GPC6: variants seen among roughly 807,000 people sequenced by gnomAD.
GPC6 encodes glypican 6.
Under a neutral mutation model 55.2 loss-of-function variants are expected in GPC6, and 14 were observed. That is an observed-to-expected ratio of 0.25 (90% CI 0.17 to 0.40). The LOEUF is 0.40. GPC6 is among the 10% of genes least tolerant of loss of function. GPC6 has a pLI of 1.00. For missense variants in GPC6, 641 were observed against 708.5 expected (o/e 0.90, Z 1.08); for synonymous variants, 278 against 259.6 (o/e 1.07, Z -0.68).
chr13:93,802,490 T>A lies in GPC6; in HGVS notation c.320-27664T>A, dbSNP rs9589843. Reference sequence around the variant, plus strand: ...ATAACACACTGCAACCTCAAATTCCTGAGCTGAAGCCATTCTTCCACCTCA... The same window carrying A: ...ATAACACACTGCAACCTCAAATTCCAGAGCTGAAGCCATTCTTCCACCTCA... On this transcript the variant is annotated intron_variant, in intron 2 of 8. Transcript: ENST00000377047. 5.6e-3 allele frequency among the ~76,000 whole-genome samples: 854 copies of A among 152,120 alleles called. 14 individuals are homozygous for A. Among genetic ancestry groups the A allele is most frequent in the African/African-American group, 0.02 (822 of 41,498 alleles).
intron 4 of GPC6, among the ~76,000 whole-genome samples, chr13:94,045,697 A>G (rs764779770): frequency 5.3e-5 from 8 of 151,152 alleles, no homozygotes; most frequent in Non-Finnish European, 1.0e-4. Flanking sequence ...TAACTCAGCC[A>G]CTTGTTAGCA....
intron 4 of GPC6, among the ~76,000 whole-genome samples, chr13:94,121,582 T>C (rs1457416886): frequency 1.3e-5 from 2 of 152,122 alleles, no homozygotes; most frequent in Non-Finnish European, 2.9e-5. Context: ...TCTTTGAAAT[T>C]AGGATACACG....
chr13:93,653,256 A>G (rs571025025), intron 2 of GPC6, among the ~76,000 whole-genome samples: 7 of 152,162 alleles, frequency 4.6e-5, no homozygotes, highest in Non-Finnish European at 8.8e-5. Flanking sequence ...TTGTATGTCT[A>G]TGGAATCCTA....
chr13:94,176,838 G>T (rs1385563918), intron 4 of GPC6, among the ~76,000 whole-genome samples: 1 of 152,148 alleles, frequency 6.6e-6, no homozygotes. Context: ...TCTCCGGGGT[G>T]AAAGAAAGAA....
At chr13:93,925,680 G>A (rs1877821908) in intron 3 of GPC6, among the ~76,000 whole-genome samples, 1 of 152,172 alleles carries the variant, frequency 6.6e-6, no homozygotes, top group South Asian at 2.1e-4. Flanking sequence ...TACGCTCGTG[G>A]TTCTCTGTGC....
chr13:94,056,015 G>A (rs950892863), intron 4 of GPC6, among the ~76,000 whole-genome samples: 23 of 152,156 alleles, frequency 1.5e-4, no homozygotes, highest in Non-Finnish European at 8.8e-5. Flanking sequence ...CCAAGGCCCA[G>A]CCCCTCTTAG....
chr13:94,218,022 A>G (rs1177339404), intron 4 of GPC6, among the ~76,000 whole-genome samples: 1 of 152,200 alleles, frequency 6.6e-6, no homozygotes, highest in Admixed American at 6.5e-5. Flanking sequence ...TTTAAACACA[A>G]GCATGTGGTA....
chr13:94,124,560 A>G (rs1333259), intron 4 of GPC6, among the ~76,000 whole-genome samples: 50,304 of 151,784 alleles, frequency 0.33, 9,445 homozygotes, highest in Middle Eastern at 0.46. Flanking sequence ...TGGGGGATAG[A>G]GGAGAGGTAA....
intron 2 of GPC6, among the ~76,000 whole-genome samples, chr13:93,676,822 A>G (rs1161964332): frequency 6.6e-6 from 1 of 152,056 alleles, no homozygotes; most frequent in East Asian, 1.9e-4. Flanking sequence ...AGATAACAAA[A>G]TGAATAAAAG....
intron 4 of GPC6, 138 bp from the exon 5 acceptor site, chr13:94,286,211 T>G: frequency 1.3e-6 from 1 of 741,624 alleles, no homozygotes; most frequent in Non-Finnish European, 2.3e-6. Flanking sequence ...TCTATTTCAT[T>G]TTGGACTATA....
chr13:94,167,324 T>A (rs936144474), intron 4 of GPC6, among the ~76,000 whole-genome samples: 1 of 152,184 alleles, frequency 6.6e-6, no homozygotes, highest in African/African-American at 2.4e-5. Flanking sequence ...CAAGAGGGCG[T>A]GTCCCAAGTT....
intron 4 of GPC6, among the ~76,000 whole-genome samples, chr13:94,237,148 G>C (rs1040661007): frequency 1.3e-4 from 20 of 152,100 alleles, no homozygotes; most frequent in African/African-American, 4.3e-4. Context: ...CAGAGGGGCA[G>C]GACAAGAAGT....
chr13:93,840,531 G>T (rs1014727757), intron 3 of GPC6, among the ~76,000 whole-genome samples: 3 of 145,914 alleles, frequency 2.1e-5, no homozygotes, highest in Non-Finnish European at 4.5e-5. Flanking sequence ...GGAAAATAAT[G>T]AACATATTTT....
At chr13:93,768,594 A>G (rs1314060261) in intron 2 of GPC6, among the ~76,000 whole-genome samples, 1 of 152,188 alleles carries the variant, frequency 6.6e-6, no homozygotes, top group African/African-American at 2.4e-5. Context: ...TTCAGTTTAA[A>G]TTTAGGAACA....
chr13:93,480,976 C>T (rs1228602733), intron 1 of GPC6, among the ~76,000 whole-genome samples: 5 of 152,222 alleles, frequency 3.3e-5, no homozygotes, highest in African/African-American at 1.2e-4. Context: ...AGGAGTGGAT[C>T]GTACGGTAGT....
intron 1 of GPC6, among the ~76,000 whole-genome samples, chr13:93,321,367 C>T (rs900587814): frequency 6.6e-6 from 1 of 152,102 alleles, no homozygotes; most frequent in African/African-American, 2.4e-5. Flanking sequence ...TGCTGCCCTC[C>T]TTACCAGGTA....
intron 4 of GPC6, among the ~76,000 whole-genome samples, chr13:94,165,901 T>A (rs528098014): frequency 6.6e-6 from 1 of 152,310 alleles, no homozygotes; most frequent in African/African-American, 2.4e-5. Context: ...GACCTCCTAA[T>A]AGTAAATTTA....
chr13:93,429,671 T>C (rs1053364926), intron 1 of GPC6, among the ~76,000 whole-genome samples: 13 of 152,266 alleles, frequency 8.5e-5, no homozygotes, highest in African/African-American at 3.1e-4. Flanking sequence ...GCATCTGATA[T>C]GAGAAAAAGG....
chr13:94,337,227 C>CTCAT (rs1877753559), intron 6 of GPC6, among the ~76,000 whole-genome samples: 1 of 152,092 alleles, frequency 6.6e-6, no homozygotes, highest in Non-Finnish European at 1.5e-5. Context: ...GGGGCTTTGA[C>CTCAT]TCATTGGCAG....
Sources: allele counts gnomAD v4.1 joint callset (sites outside exome capture counted in the v4.1 genomes callset), GRCh38; gene constraint gnomAD v4.1.1; transcripts MANE v1.5; gene names NCBI Gene and HGNC (gene_info 2026-07-23, HGNC 2026-07-21).